Variants in VSTM2B observed in about 807,000 individuals in gnomAD.
The protein encoded by VSTM2B is V-set and transmembrane domain-containing protein 2B.
A neutral mutation model predicts 24.0 loss-of-function variants in VSTM2B; 24 were observed. The ratio of observed to expected loss-of-function variants is 1.00; its 90% CI spans 0.72 to 1.40. The LOEUF is 1.40. VSTM2B is among the 40% of genes most tolerant of loss of function. The pLI, the probability that VSTM2B is intolerant of heterozygous loss-of-function variation, is 0.00. For synonymous variants in VSTM2B, 226 were observed against 194.4 expected, an observed-to-expected ratio of 1.16 and a Z score of -1.35; for missense variants, 399 against 416.4, an observed-to-expected ratio of 0.96 and a Z score of 0.36.
chr19:29,535,523 T>C (rs1261455401), intron 4 of VSTM2B, among the ~76,000 whole-genome samples: 1 of 151,940 alleles, frequency 6.6e-6, no homozygotes, highest in South Asian at 2.1e-4. Flanking sequence ...GAGAACTGGC[T>C]CTCAATATTT....
At chr19:29,555,561 G>C (rs1251726398) in intron 4 of VSTM2B, among the ~76,000 whole-genome samples, 1 of 152,058 alleles carries the variant, frequency 6.6e-6, no homozygotes, top group African/African-American at 2.4e-5. Flanking sequence ...ACCAAGATCA[G>C]AGTGGAACTA....
chr19:29,549,730 T>C, intron 4 of VSTM2B, among the ~76,000 whole-genome samples: 1 of 152,192 alleles, frequency 6.6e-6, no homozygotes, highest in Non-Finnish European at 1.5e-5. Flanking sequence ...GTAGCCAGGA[T>C]GGCTACTAGA....
chr19:29,538,810 A>T (rs1370694594), intron 4 of VSTM2B, among the ~76,000 whole-genome samples: 1 of 152,098 alleles, frequency 6.6e-6, no homozygotes, highest in Non-Finnish European at 1.5e-5. Flanking sequence ...GAACTCACCC[A>T]TTACCTCATT....
rs1451293578 is a variant in VSTM2B at position 29,527,378 on chromosome 19, C to A, written c.250C>A (p.Pro84Thr). 2 of 1,539,460 alleles carry A rather than the reference C, an allele frequency of 1.3e-6. No individual in the cohort carries two copies. The highest frequency in any genetic ancestry group is 2.4e-5 in the South Asian group (2 of 82,912). Residue 84 changes from proline to threonine, a missense_variant, in exon 2 of 5, where the codon CCG becomes ACG. Coordinates refer to ENST00000335523, the MANE Select transcript of VSTM2B (RefSeq NM_001146339.2). ...ELLHELALSV[P>T]GARSKVTNKD... is the part of the protein sequence containing the mutation. ...GCTGCACGAGCTGGCGCTCAGCGTG[C>A]CGGGCGCCCGGAGCAAGGTAACCCG... is the stretch of plus-strand genomic sequence containing the variant.
At chr19:29,546,354 G>A (rs1970154663) in intron 4 of VSTM2B, among the ~76,000 whole-genome samples, 1 of 152,122 alleles carries the variant, frequency 6.6e-6, no homozygotes, top group Non-Finnish European at 1.5e-5. Context: ...AAGGAACTTG[G>A]ACTCATTCAT....
Position 29,526,751 on chromosome 19 carries a change from C to T in VSTM2B, c.82+86C>T, listed in dbSNP as rs1969580118. The T allele has an allele frequency of 2.3e-6, 3 of 1,284,516 alleles. No individual in the cohort carries two copies. The highest frequency in any genetic ancestry group is 2.1e-6 in the Non-Finnish European group (2 of 936,856). The allele number at this position is 1,284,516 out of a possible 1,614,324, so 79.6% of individuals were successfully genotyped here. On this transcript the variant is annotated intron_variant, in intron 1 of 4. Coordinates refer to ENST00000335523, the MANE Select transcript of VSTM2B (RefSeq NM_001146339.2). The surrounding 1 kb of genome is among the most constrained non-coding windows in gnomAD (Gnocchi z 4.1). Reference sequence around the variant, plus strand: ...CGAGAAGAAGAAGAAAGAGAACGAACCGGGAAGCTTCGCGGTCTCCAGCAA... The same window carrying T: ...CGAGAAGAAGAAGAAAGAGAACGAATCGGGAAGCTTCGCGGTCTCCAGCAA...
intron 4 of VSTM2B, among the ~76,000 whole-genome samples, chr19:29,538,629 G>A (rs374756749): frequency 6.6e-6 from 1 of 152,192 alleles, no homozygotes; most frequent in Non-Finnish European, 1.5e-5. Flanking sequence ...CAGTTCTGCA[G>A]GCTGTGCAAG....
intron 4 of VSTM2B, among the ~76,000 whole-genome samples, chr19:29,536,653 C>G (rs968804604): frequency 3.3e-5 from 5 of 152,152 alleles, no homozygotes; most frequent in Non-Finnish European, 7.4e-5. Flanking sequence ...AGTCCGTCCC[C>G]CAGAAGACAG....
rs140227360 is a variant in VSTM2B at position 29,547,172 on chromosome 19, T to C, written c.770-16674T>C. ...CAGATAAACCACCAGTAACATCTTA[T>C]GAATGTAAGTATGTTCCATGCAATA... On this transcript the variant is annotated intron_variant, in intron 4 of 4. Coordinates refer to ENST00000335523, the MANE Select transcript of VSTM2B (RefSeq NM_001146339.2). Among the ~76,000 whole-genome samples, 58 of 152,344 alleles carry C rather than the reference T, an allele frequency of 3.8e-4. No homozygotes were observed. The East Asian group carries it at 0.011, about 29-fold the overall frequency.
At chr19:29,558,548 A>G (rs1970462549) in intron 4 of VSTM2B, among the ~76,000 whole-genome samples, 1 of 152,232 alleles carries the variant, frequency 6.6e-6, no homozygotes, top group Non-Finnish European at 1.5e-5. Flanking sequence ...GAATGAGATC[A>G]TGTCCTTTAC....
rs2145461740 is a variant in VSTM2B, at chr19:29,529,881, G to A, written c.360G>A (p.Gln120=). 1 of 1,550,412 alleles carries A rather than the reference G, an allele frequency of 6.4e-7. No individual in the cohort carries two copies. The highest frequency in any genetic ancestry group is 1.2e-5 in the South Asian group (1 of 84,046). The stretch of plus-strand genomic sequence containing the variant: ...TTCGGCTGTCTGCCGTGCGGCTGCA[G>A]GACGAGGGCGTGTACGAGTGCCGCG... ...HRLRLSAVRL[Q]DEGVYECRVS... is the part of the protein sequence containing the mutation. The change falls in exon 4 of 5, where the codon CAG becomes CAA. Residue 120 remains glutamine (Q), a synonymous_variant. Coordinates refer to ENST00000335523, the MANE Select transcript of VSTM2B (RefSeq NM_001146339.2).
chr19:29,556,150 G>A (rs181201337), intron 4 of VSTM2B, among the ~76,000 whole-genome samples: 6 of 149,466 alleles, frequency 4.0e-5, no homozygotes, highest in African/African-American at 1.2e-4. Flanking sequence ...GATGAACATC[G>A]ATGCAAAAAT....
chr19:29,529,884 C>A lies in VSTM2B; in HGVS notation c.363C>A (p.Asp121Glu), dbSNP rs751790250. Reference protein sequence around the residue: ...RLRLSAVRLQDEGVYECRVSD... With the variant: ...RLRLSAVRLQEEGVYECRVSD... ...GGCTGTCTGCCGTGCGGCTGCAGGACGAGGGCGTGTACGAGTGCCGCGTGT... is the reference window on the plus strand; with the variant it reads ...GGCTGTCTGCCGTGCGGCTGCAGGAAGAGGGCGTGTACGAGTGCCGCGTGT... The change falls in exon 4 of 5, where the codon GAC becomes GAA. Residue 121 changes from aspartate (D) to glutamate (E), a missense_variant. By Grantham distance (45) the Asp-to-Glu change is conservative. Coordinates refer to ENST00000335523, the MANE Select transcript of VSTM2B (RefSeq NM_001146339.2). 3.9e-6 allele frequency: 6 copies of A among 1,550,298 alleles called. No individual in the cohort carries two copies. Among genetic ancestry groups the A allele is most frequent in the African/African-American group, 1.4e-5 (1 of 73,074 alleles).
rs1969579413 is a variant in VSTM2B, at chr19:29,526,726, C to A, written c.82+61C>A. ...GGGGGGTCTTTGCTGGGGCCGCCAC[C>A]GAGAAGAAGAAGAAAGAGAACGAAC... On this transcript the variant is annotated intron_variant, in intron 1 of 4. Transcript: ENST00000335523. The surrounding 1 kb of genome is among the most constrained non-coding windows in gnomAD (Gnocchi z 4.1). The A allele has an allele frequency of 4.2e-6, 6 of 1,415,864 alleles. No individual in the cohort carries two copies. The highest frequency in any genetic ancestry group is 1.4e-5 in the African/African-American group (1 of 69,428). The allele number at this position is 1,415,864 out of a possible 1,614,324, so 87.7% of individuals were successfully genotyped here. A position where few individuals can be genotyped will look rare whatever the true frequency, so the allele number is the denominator to read the frequency against.
intron 4 of VSTM2B, among the ~76,000 whole-genome samples, chr19:29,534,811 A>G (rs984209043): frequency 7.2e-5 from 11 of 152,036 alleles, no homozygotes; most frequent in Non-Finnish European, 1.5e-5. Context: ...GTCCCAGTAC[A>G]TCTCCCCAAA....
rs1377133839 is a variant in VSTM2B at position 29,530,307 on chromosome 19, AG to A, written c.769+22del. 6.1e-6 allele frequency: 9 copies of A among 1,478,040 alleles called. No individual in the cohort carries two copies. In the Middle Eastern group the frequency reaches 7.0e-4, roughly 115 times the overall value. 91.6% of individuals were successfully genotyped at this position (1,478,040 alleles called of 1,614,324 possible). On this transcript the variant is annotated intron_variant, in intron 4 of 4. Transcript: ENST00000335523. ...ACGGCTCGGGTAAGGGATCGCGGAGAGGGGGCGCACGCGCGGGGATGGCGCA... is the reference window on the plus strand; with the variant it reads ...ACGGCTCGGGTAAGGGATCGCGGAGAGGGGCGCACGCGCGGGGATGGCGCA...
chr19:29,554,795 C>A (rs981496475), intron 4 of VSTM2B, among the ~76,000 whole-genome samples: 1 of 151,934 alleles, frequency 6.6e-6, no homozygotes, highest in Non-Finnish European at 1.5e-5. Context: ...AGACTTTAAG[C>A]CAACAAAGAT....
At chr19:29,544,525 C>CAAAAAAAAAAAAAAAAAAAAAAA (rs58540469) in intron 4 of VSTM2B, among the ~76,000 whole-genome samples, 1 of 54,342 alleles carries the variant, frequency 1.8e-5, no homozygotes, top group African/African-American at 7.7e-5. Context: ...GACTCTGTCT[C>CAAAAAAAAAAAAAAAAAAAAAAA]AAAAAAAAAA....
At chr19:29,528,962 G>A in intron 3 of VSTM2B, 1 of 985,486 alleles carries the variant, frequency 1.0e-6, no homozygotes, top group East Asian at 1.1e-4. Context: ...GACGGGGTAG[G>A]GGGTGGTTGT....
Sources: allele counts gnomAD v4.1 joint callset (sites outside exome capture counted in the v4.1 genomes callset), GRCh38; gene constraint gnomAD v4.1.1; non-coding constraint Gnocchi (gnomAD v3.1); transcripts MANE v1.5; gene names NCBI Gene and HGNC (gene_info 2026-07-23, HGNC 2026-07-21).